Variants in CCDC66 observed in about 807,000 individuals in gnomAD.
CCDC66 encodes the protein coiled-coil domain containing 66.
Under a neutral mutation model 128.3 loss-of-function variants are expected in CCDC66, and 133 were observed. The observed-to-expected ratio is 1.04, with a 90% CI of 0.90 to 1.20. CCDC66 has a LOEUF of 1.20. CCDC66 is among the 50% of genes most tolerant of loss of function. The pLI is 0.00. For missense variants in CCDC66, 1,126 were observed against 1,075.5 expected, an observed-to-expected ratio of 1.05 and a Z score of -0.66; for synonymous variants, 387 against 357.0, an observed-to-expected ratio of 1.08 and a Z score of -0.95.
At chr3:56,575,096 T>TAAATTTTATGTTA (rs1017373633) in intron 7 of CCDC66, among the ~76,000 whole-genome samples, 1 of 151,914 alleles carries the variant, frequency 6.6e-6, no homozygotes, top group Non-Finnish European at 1.5e-5. Flanking sequence ...ATTTTTTGTT[T>TAAATTTTATGTTA]AATTTTTATG....
rs76786710 is a variant in CCDC66 at position 56,620,241 on chromosome 3, A to G, written c.2760+340A>G. The G allele has an allele frequency of 2.1e-3, 333 of 162,386 alleles. 1 individual carries two copies. Among genetic ancestry groups the G allele is most frequent in the Non-Finnish European group, 3.8e-3 (285 of 74,260 alleles). 10.1% of individuals were successfully genotyped at this position (162,386 alleles called of 1,614,324 possible). A position where few individuals can be genotyped will look rare whatever the true frequency, so the allele number is the denominator to read the frequency against. ...GTTATGCTTTAACAAATTCTTAGCAATGTGGCCCACGCTTTTTAAAAAATT... is the reference window on the plus strand; with the variant it reads ...GTTATGCTTTAACAAATTCTTAGCAGTGTGGCCCACGCTTTTTAAAAAATT... On this transcript the variant is annotated intron_variant, in intron 17 of 17. Coordinates refer to ENST00000394672, the MANE Select transcript of CCDC66 (RefSeq NM_001141947.3).
intron 7 of CCDC66, among the ~76,000 whole-genome samples, chr3:56,592,564 T>C (rs1448228170): frequency 6.6e-6 from 1 of 150,908 alleles, no homozygotes; most frequent in Non-Finnish European, 1.5e-5. Context: ...GATTTTGCCA[T>C]GTTGGCCAGG....
intron 13 of CCDC66, 116 bp downstream of exon 13, chr3:56,616,169 AAG>A (rs2075480008): frequency 4.6e-6 from 4 of 878,940 alleles, no homozygotes; most frequent in Admixed American, 2.6e-5. Flanking sequence ...GGTTTTCAGT[AAG>A]AGTTACAAAA....
intron 3 of CCDC66, among the ~76,000 whole-genome samples, chr3:56,562,398 G>C (rs1023378877): frequency 7.9e-5 from 12 of 151,940 alleles, no homozygotes; most frequent in Admixed American, 7.2e-4. Flanking sequence ...AAGTAAACTT[G>C]GTTACTTTCC....
intron 10 of CCDC66, among the ~76,000 whole-genome samples, chr3:56,603,175 CTT>C (rs1426217855): frequency 6.6e-6 from 1 of 151,860 alleles, no homozygotes; most frequent in African/African-American, 2.4e-5. Flanking sequence ...ATTCTTCTCT[CTT>C]TTCTTCTTAT....
At chr3:56,577,561 T>G (rs1328820917) in intron 7 of CCDC66, among the ~76,000 whole-genome samples, 3 of 151,898 alleles carry the variant, frequency 2.0e-5, no homozygotes, top group Non-Finnish European at 4.4e-5. Flanking sequence ...TAGGTTTAAG[T>G]CTTTATTTCA....
intron 17 of CCDC66, chr3:56,620,447 G>C (rs1194294901): frequency 6.6e-6 from 1 of 152,216 alleles, no homozygotes; most frequent in East Asian, 1.9e-4. Context: ...TCCATCCCTT[G>C]GGCTTTAAAA....
At chr3:56,619,617 C>T in intron 16 of CCDC66, 90 bp downstream of exon 16, 2 of 1,493,302 alleles carry the variant, frequency 1.3e-6, no homozygotes, top group African/African-American at 1.4e-5. Context: ...GTAATTCCTG[C>T]ACTTAGTTCT....
chr3:56,563,459 T>C, intron 3 of CCDC66: 2 of 480,924 alleles, frequency 4.2e-6, no homozygotes, highest in South Asian at 8.6e-5. Flanking sequence ...AGCTGGAGTA[T>C]AGTGGAGATG....
intron 17 of CCDC66, 59 bp from the exon 18 acceptor site, chr3:56,621,473 C>T (rs1027349422): frequency 1.3e-5 from 14 of 1,103,358 alleles, no homozygotes; most frequent in African/African-American, 1.6e-5. Context: ...TAGTTTAACA[C>T]AACATTGCAA....
intron 7 of CCDC66, among the ~76,000 whole-genome samples, chr3:56,572,106 T>C (rs983581469): frequency 5.3e-5 from 8 of 152,216 alleles, no homozygotes; most frequent in African/African-American, 1.7e-4. Context: ...TGTCTCGTTA[T>C]GTCGTTAGGT....
At chr3:56,561,023 TC>T (rs1328428814) in intron 3 of CCDC66, 1 of 440,750 alleles carries the variant, frequency 2.3e-6, no homozygotes, top group African/African-American at 2.0e-5. Flanking sequence ...GTGAAGATGA[TC>T]AGAACAATTC....
chr3:56,586,990 AG>A (rs976128447), intron 7 of CCDC66, among the ~76,000 whole-genome samples: 1 of 151,906 alleles, frequency 6.6e-6, no homozygotes, highest in African/African-American at 2.4e-5. Context: ...CAGGAGTTAG[AG>A]GCTGCAGTGA....
Position 56,614,984 on chromosome 3 carries a change from A to C in CCDC66, c.1567-144A>C, listed in dbSNP as rs1206551331. On this transcript the variant is annotated intron_variant, in intron 11 of 17. Coordinates refer to ENST00000394672, the MANE Select transcript of CCDC66 (RefSeq NM_001141947.3). Reference sequence around the variant, plus strand: ...AAATGTAAGCTCCAAAAGGGCAGGAACTTTGCCTTGTTGACTGTTGTACCC... The same window carrying C: ...AAATGTAAGCTCCAAAAGGGCAGGACCTTTGCCTTGTTGACTGTTGTACCC... 14 of 606,532 alleles carry C rather than the reference A, an allele frequency of 2.3e-5. No individual in the cohort carries two copies. The South Asian group carries it at 5.1e-4, about 22-fold the overall frequency. 37.6% of individuals were successfully genotyped at this position (606,532 alleles called of 1,614,324 possible).
Position 56,564,006 on chromosome 3 carries a change from C to G in CCDC66, c.425C>G (p.Ala142Gly), listed in dbSNP as rs767995749. 3.1e-6 allele frequency: 5 copies of G among 1,613,848 alleles called. No individual in the cohort carries two copies. Among genetic ancestry groups the G allele is most frequent in the Non-Finnish European group, 4.2e-6 (5 of 1,179,930 alleles). The change falls in exon 4 of 18, where the codon GCT (alanine) becomes GGT (glycine). Residue 142 changes from alanine (A) to glycine (G), a missense_variant. By Grantham distance (60) the Ala-to-Gly change is moderately conservative. Transcript: ENST00000394672. The part of the protein sequence containing the change: ...KQKPHKKHIT[A>G]ENMKSSLVCL... ...AAGCCTCACAAAAAACACATCACAG[C>G]TGAAAACATGAAGAGCAGTTTGGTG...
At chr3:56,559,296 C>A (rs1310855637) in intron 2 of CCDC66, among the ~76,000 whole-genome samples, 1 of 151,828 alleles carries the variant, frequency 6.6e-6, no homozygotes, top group East Asian at 1.9e-4. Context: ...TTTTAGTATT[C>A]GTTTTTAAAC....
intron 10 of CCDC66, among the ~76,000 whole-genome samples, chr3:56,604,501 G>A (rs1335866060): frequency 6.6e-6 from 1 of 151,758 alleles, no homozygotes; most frequent in Non-Finnish European, 1.5e-5. Context: ...GAATTTCCTT[G>A]TCTATAAAGG....
At chr3:56,581,398 G>A (rs1387966082) in intron 7 of CCDC66, among the ~76,000 whole-genome samples, 2 of 151,936 alleles carry the variant, frequency 1.3e-5, no homozygotes, top group East Asian at 4.0e-4. Flanking sequence ...ATCGTCTGAA[G>A]CCTTCTTCTC....
In CCDC66 at chr3:56,613,626, AG is replaced by A; in HGVS notation, c.1443del (p.Lys482AsnfsTer19). ...ITAQVEEKRR[K>X]KQLEEEQRKK... is the part of the protein sequence containing the mutation. ...GCCCAGGTAGAAGAGAAGCGCAGGA[AG>A]AAACAACTGGAGGAAGAGCAAAGAA... On this transcript the variant is annotated frameshift_variant, in exon 11 of 18. Coordinates refer to ENST00000394672, the MANE Select transcript of CCDC66 (RefSeq NM_001141947.3). LOFTEE classifies it high-confidence loss of function. The A allele has an allele frequency of 6.2e-7, 1 of 1,614,068 alleles. No individual in the cohort carries two copies. The highest frequency in any genetic ancestry group is 2.2e-5 in the East Asian group (1 of 44,882).
Sources: gnomAD v4.1 joint callset for allele counts (sites outside exome capture counted in the v4.1 genomes callset) on GRCh38, gnomAD v4.1.1 for gene constraint, MANE v1.5 for transcripts, NCBI Gene and HGNC (gene_info 2026-07-23, HGNC 2026-07-21) for gene names.